CHST9: variants seen among roughly 807,000 people sequenced by gnomAD.
CHST9 encodes the protein GalNAc-4-sulfotransferase 2.
A neutral mutation model predicts 44.4 loss-of-function variants in CHST9; 41 were observed. The ratio of observed to expected loss-of-function variants is 0.92; its 90% CI spans 0.72 to 1.20. The LOEUF is 1.20. CHST9 is among the 50% of genes most tolerant of loss of function. The probability of loss-of-function intolerance (pLI) is 0.00; values close to 1 mark genes in which losing one functional copy is unlikely to be tolerated. For missense variants in CHST9, 504 were observed against 516.5 expected (o/e 0.98, Z 0.23); for synonymous variants, 171 against 178.4 (o/e 0.96, Z 0.33).
intron 2 of CHST9, among the ~76,000 whole-genome samples, chr18:27,094,992 C>T (rs9962767): frequency 6.6e-6 from 1 of 152,148 alleles, no homozygotes; most frequent in Non-Finnish European, 1.5e-5. Flanking sequence ...ACTATCCACA[C>T]TCTATCCACT....
At chr18:27,075,845 C>T (rs1568162340) in intron 2 of CHST9, among the ~76,000 whole-genome samples, 1 of 152,120 alleles carries the variant, frequency 6.6e-6, no homozygotes, top group African/African-American at 2.4e-5. Context: ...TTTAATGGCA[C>T]CTAAAAGACT....
chr18:27,135,054 A>G (rs552060797), intron 2 of CHST9, among the ~76,000 whole-genome samples: 1 of 152,294 alleles, frequency 6.6e-6, no homozygotes, highest in East Asian at 1.9e-4. Context: ...GTTTTTTACC[A>G]CAAAAAAATT....
At chr18:26,959,100 A>G (rs965207442) in intron 4 of CHST9, among the ~76,000 whole-genome samples, 11 of 152,234 alleles carry the variant, frequency 7.2e-5, no homozygotes, top group African/African-American at 1.7e-4. Flanking sequence ...GATAAAGAAA[A>G]TGTGGTACAT....
chr18:27,033,966 T>C (rs1568142134), intron 3 of CHST9, among the ~76,000 whole-genome samples: 1 of 152,208 alleles, frequency 6.6e-6, no homozygotes. Flanking sequence ...ATGTCATCGA[T>C]AACCAAGTCC....
chr18:27,047,168 A>G (rs2057511399), intron 3 of CHST9, among the ~76,000 whole-genome samples: 1 of 152,064 alleles, frequency 6.6e-6, no homozygotes. Context: ...AGCCATGACT[A>G]TTGAGGGAAC....
chr18:27,153,106 T>C (rs1297014077), intron 1 of CHST9, among the ~76,000 whole-genome samples: 1 of 152,168 alleles, frequency 6.6e-6, no homozygotes, highest in Non-Finnish European at 1.5e-5. Context: ...CTAATATCCA[T>C]TCTGCTCCTG....
chr18:27,133,866 A>G (rs1388554888), intron 2 of CHST9, among the ~76,000 whole-genome samples: 1 of 152,152 alleles, frequency 6.6e-6, no homozygotes, highest in Non-Finnish European at 1.5e-5. Context: ...TAATCACATA[A>G]TGGGAAGACG....
chr18:26,988,711 ACT>A (rs1174996741), intron 4 of CHST9, among the ~76,000 whole-genome samples: 2 of 152,130 alleles, frequency 1.3e-5, no homozygotes, highest in African/African-American at 4.8e-5. Flanking sequence ...ATTAAGAAAG[ACT>A]CTATCCAACA....
At chr18:27,094,464 A>T (rs1000937802) in intron 2 of CHST9, among the ~76,000 whole-genome samples, 3 of 152,218 alleles carry the variant, frequency 2.0e-5, no homozygotes, top group African/African-American at 7.2e-5. Flanking sequence ...CAAAATGTTT[A>T]TGACTGAGTT....
intron 3 of CHST9, among the ~76,000 whole-genome samples, chr18:27,032,076 G>A (rs2057346963): frequency 6.6e-6 from 1 of 150,904 alleles, no homozygotes. Flanking sequence ...TGGTGGTCGG[G>A]CCATAGAGTT....
intron 2 of CHST9, among the ~76,000 whole-genome samples, chr18:27,101,268 T>C (rs1488901810): frequency 6.6e-6 from 1 of 152,196 alleles, no homozygotes; most frequent in Non-Finnish European, 1.5e-5. Flanking sequence ...ATAATTTTTT[T>C]GACTTTAAAC....
At chr18:27,101,435 C>CA (rs1426860222) in intron 2 of CHST9, among the ~76,000 whole-genome samples, 12 of 120,792 alleles carry the variant, frequency 9.9e-5, no homozygotes, top group Non-Finnish European at 1.5e-4. Flanking sequence ...ACTAAAAATA[C>CA]AAAAAAAATT....
At chr18:27,141,837 C>CAT (rs2058570566) in intron 2 of CHST9, among the ~76,000 whole-genome samples, 2 of 151,628 alleles carry the variant, frequency 1.3e-5, no homozygotes, top group Non-Finnish European at 2.9e-5. Flanking sequence ...AGTCATAAGC[C>CAT]ATAGTCTATT....
At chr18:27,070,839 TA>T in intron 2 of CHST9, among the ~76,000 whole-genome samples, 1 of 152,252 alleles carries the variant, frequency 6.6e-6, no homozygotes, top group Non-Finnish European at 1.5e-5. Context: ...TAGCAGAAGC[TA>T]AATTTTCCAA....
At chr18:27,181,664 G>C (rs2143985040) in intron 1 of CHST9, among the ~76,000 whole-genome samples, 1 of 152,306 alleles carries the variant, frequency 6.6e-6, no homozygotes, top group Non-Finnish European at 1.5e-5. Context: ...ATTTTCAGGA[G>C]CAACCTATTA....
In CHST9 at chr18:26,916,446, T is replaced by C. The variant is rs2055524525; in HGVS notation, c.1145A>G (p.Gln382Arg). 1.2e-6 allele frequency: 2 copies of C among 1,613,810 alleles called. No individual in the cohort carries two copies. Among genetic ancestry groups the C allele is most frequent in the Non-Finnish European group, 1.7e-6 (2 of 1,179,744 alleles). The change falls in exon 6 of 6, where the codon CAG (glutamine) becomes CGG (arginine). Residue 382 changes from glutamine (Q) to arginine (R), a missense_variant. By Grantham distance (43) the Gln-to-Arg change is conservative. Coordinates refer to ENST00000618847, the MANE Select transcript of CHST9 (RefSeq NM_031422.6). ...CAGCTCCTTTGGAGCACCGATCATC[T>C]GTAAAAAGTAATTGGCATCTTCTTC... ...TLEEDANYFL[Q>R]MIGAPKELKF... is the part of the protein sequence containing the mutation.
intron 2 of CHST9, among the ~76,000 whole-genome samples, chr18:27,086,707 T>G (rs2058015544): frequency 1.3e-5 from 2 of 152,308 alleles, no homozygotes; most frequent in Non-Finnish European, 2.9e-5. Context: ...GATAATTACT[T>G]TAAAAAAACA....
chr18:26,931,988 T>C (rs1256199907), intron 5 of CHST9, among the ~76,000 whole-genome samples: 1 of 152,164 alleles, frequency 6.6e-6, no homozygotes, highest in African/African-American at 2.4e-5. Context: ...TCTGTAACTA[T>C]AGGAGTGTTT....
intron 2 of CHST9, among the ~76,000 whole-genome samples, chr18:27,118,691 T>C (rs756333577): frequency 2.6e-4 from 40 of 152,246 alleles, no homozygotes; most frequent in Non-Finnish European, 4.7e-4. Context: ...CTATGGCCCC[T>C]GAGGCCATGC....
Sources: gnomAD v4.1 joint callset for allele counts (sites outside exome capture counted in the v4.1 genomes callset) on GRCh38, gnomAD v4.1.1 for gene constraint, MANE v1.5 for transcripts, NCBI Gene and HGNC (gene_info 2026-07-23, HGNC 2026-07-21) for gene names.